The following DIAPH2 variants were observed in gnomAD, a reference collection of about 807,000 sequenced individuals.
DIAPH2 encodes protein diaphanous homolog 2.
Under a neutral mutation model 92.7 loss-of-function variants are expected in DIAPH2, and 35 were observed. That is an observed-to-expected ratio of 0.38 (90% CI 0.29 to 0.50). The LOEUF is 0.50. DIAPH2 is among the 20% of genes least tolerant of loss of function. DIAPH2 has a pLI of 0.94. For missense variants in DIAPH2, 701 were observed against 819.5 expected (o/e 0.86, Z 1.77); for synonymous variants, 301 against 280.4 (o/e 1.07, Z -0.73).
At chrX:97,436,564 C>G (rs1228445148) in intron 26 of DIAPH2, among the ~76,000 whole-genome samples, 1 of 111,550 alleles carries the variant, frequency 9.0e-6, no homozygotes, top group East Asian at 2.8e-4. Flanking sequence ...AAAAAGAAAC[C>G]TCCGTATGTA....
chrX:96,870,427 A>C (rs2065133096), intron 4 of DIAPH2, among the ~76,000 whole-genome samples: 1 of 87,380 alleles, frequency 1.1e-5, no homozygotes, highest in South Asian at 5.0e-4. Flanking sequence ...ATGCCCAGCT[A>C]ATTTTTTGTA....
Position 97,153,712 on chromosome X carries a change from T to C in DIAPH2, c.2719+11918T>C, listed in dbSNP as rs57899290. On this transcript the variant is annotated intron_variant, in intron 22 of 26. Coordinates refer to ENST00000324765, the MANE Select transcript of DIAPH2 (RefSeq NM_006729.5). ...CTACATATTCTTTTACTCTTTTCCATTTTGGACACTTTTAAAAATAAGACT... is the reference window on the plus strand; with the variant it reads ...CTACATATTCTTTTACTCTTTTCCACTTTGGACACTTTTAAAAATAAGACT... Among the ~76,000 whole-genome samples the C allele has an allele frequency of 8.4e-3, 938 of 112,082 alleles. 10 individuals are homozygous for C. The highest frequency in any genetic ancestry group is 0.03 in the African/African-American group (912 of 30,903).
intron 25 of DIAPH2, among the ~76,000 whole-genome samples, chrX:97,412,568 G>A (rs1040160180): frequency 8.9e-6 from 1 of 111,809 alleles, no homozygotes; most frequent in East Asian, 2.8e-4. Context: ...CAGAACTGAA[G>A]GAGATAGAGA....
At chrX:97,358,478 T>C (rs2069289975) in intron 24 of DIAPH2, among the ~76,000 whole-genome samples, 1 of 111,364 alleles carries the variant, frequency 9.0e-6, no homozygotes, top group Non-Finnish European at 1.9e-5. Context: ...TGTTTCAGGA[T>C]TACCTGCAAA....
rs994782110 is a variant in DIAPH2 at position 97,463,968 on chromosome X, T to C, written c.3241+34223T>C. Among the ~76,000 whole-genome samples the C allele has an allele frequency of 1.8e-5, 2 of 110,146 alleles. 1 individual carries two copies. The highest frequency in any genetic ancestry group is 7.9e-4 in the South Asian group (2 of 2,546). ...TTTCTAATTTTTTTTATTGACAAAC[T>C]AAAGGGAGGAATCAGGTCCACTGCC... On this transcript the variant is annotated intron_variant, in intron 26 of 26. Coordinates refer to ENST00000324765, the MANE Select transcript of DIAPH2 (RefSeq NM_006729.5).
chrX:97,517,707 A>T (rs1481402120), intron 26 of DIAPH2, among the ~76,000 whole-genome samples: 1 of 112,576 alleles, frequency 8.9e-6, no homozygotes, highest in East Asian at 2.8e-4. Flanking sequence ...TTTCTGAGAA[A>T]CCAATAGCTT....
At chrX:97,137,265 T>TTATATATA (rs748631722) in intron 21 of DIAPH2, among the ~76,000 whole-genome samples, 3 of 30,066 alleles carry the variant, frequency 1.0e-4, no homozygotes, top group Non-Finnish European at 1.6e-4. Flanking sequence ...ATAAACGCAG[T>TTATATATA]TATACATATA....
chrX:97,123,406 A>G (rs1048335185), intron 21 of DIAPH2, among the ~76,000 whole-genome samples: 5 of 112,574 alleles, frequency 4.4e-5, no homozygotes, highest in African/African-American at 1.6e-4. Flanking sequence ...AAAGGCAACC[A>G]TTAATACTAC....
rs2071594275 is a variant in DIAPH2 at position 97,601,328 on chromosome X, C to A, written c.*2011C>A. 1 of 111,517 alleles carries A rather than the reference C, an allele frequency of 9.0e-6. No homozygotes were observed. The highest frequency in any genetic ancestry group is 3.8e-4 in the South Asian group (1 of 2,614). The allele number at this position is 111,517 out of a possible 1,213,427, so 9.2% of individuals were successfully genotyped here. ...TAGAAATACTGATATGTATCATCACCTTTTCCAGATACAAACTTGCCTTAT... is the reference window on the plus strand; with the variant it reads ...TAGAAATACTGATATGTATCATCACATTTTCCAGATACAAACTTGCCTTAT... On this transcript the variant is annotated 3_prime_UTR_variant, in exon 27 of 27. Transcript: ENST00000324765.
intron 23 of DIAPH2, among the ~76,000 whole-genome samples, chrX:97,295,444 G>T (rs1319808105): frequency 9.0e-6 from 1 of 111,666 alleles, no homozygotes; most frequent in Non-Finnish European, 1.9e-5. Context: ...TTACGACAAT[G>T]AAATAAACAC....
intron 4 of DIAPH2, among the ~76,000 whole-genome samples, chrX:96,829,985 A>C (rs685712): frequency 9.3e-6 from 1 of 108,103 alleles, no homozygotes; most frequent in East Asian, 2.9e-4. Flanking sequence ...ACGGAAGTGC[A>C]CTGAAGGGGA....
chrX:96,999,002 A>G (rs181255509), intron 17 of DIAPH2, among the ~76,000 whole-genome samples: 2 of 112,050 alleles, frequency 1.8e-5, no homozygotes, highest in South Asian at 3.7e-4. Flanking sequence ...ATAGCAGCAG[A>G]TATTTTTGAA....
At chrX:97,129,136 CTTTTCTTTTCTTTCT>C (rs2067116830) in intron 21 of DIAPH2, among the ~76,000 whole-genome samples, 1 of 87,872 alleles carries the variant, frequency 1.1e-5, no homozygotes, top group Non-Finnish European at 2.1e-5. Context: ...CTTTTCTTTT[CTTTTCTTTTCTTTCT>C]TTTCTTTTCT....
Position 96,727,208 on chromosome X carries a change from C to T in DIAPH2, c.133-8550C>T, listed in dbSNP as rs769893682. 5.3e-5 allele frequency among the ~76,000 whole-genome samples: 6 copies of T among 112,192 alleles called. No homozygotes were observed. The South Asian group carries it at 2.2e-3, about 42-fold the overall frequency. On this transcript the variant is annotated intron_variant, in intron 1 of 26. Coordinates refer to ENST00000324765, the MANE Select transcript of DIAPH2 (RefSeq NM_006729.5). ...AAGATATGATACACCTAGCATATTC[C>T]TTTCTAAAACATGAAACATGCTGAG...
chrX:97,489,582 G>A (rs2070711536), intron 26 of DIAPH2, among the ~76,000 whole-genome samples: 1 of 110,562 alleles, frequency 9.0e-6, no homozygotes, highest in Non-Finnish European at 1.9e-5. Context: ...TTTCATATAT[G>A]GCCTTAATTG....
At chrX:96,987,988 T>C (rs904613423) in intron 17 of DIAPH2, among the ~76,000 whole-genome samples, 6 of 111,041 alleles carry the variant, frequency 5.4e-5, no homozygotes, top group Non-Finnish European at 1.1e-4. Flanking sequence ...ATGTATTTTT[T>C]ATTTTCAAGA....
At chrX:97,432,096 G>C (rs1419934719) in intron 26 of DIAPH2, among the ~76,000 whole-genome samples, 1 of 111,179 alleles carries the variant, frequency 9.0e-6, no homozygotes. Context: ...TATAAAGAAG[G>C]CTATCTTCCC....
chrX:96,866,772 A>G (rs1192619016), intron 4 of DIAPH2, among the ~76,000 whole-genome samples: 1 of 112,083 alleles, frequency 8.9e-6, no homozygotes, highest in Non-Finnish European at 1.9e-5. Flanking sequence ...TCTATATCCT[A>G]CTTTGGGTGT....
At chrX:96,794,774 C>A (rs973948880) in intron 4 of DIAPH2, among the ~76,000 whole-genome samples, 1 of 111,973 alleles carries the variant, frequency 8.9e-6, no homozygotes, top group African/African-American at 3.2e-5. Flanking sequence ...CTTAGAAATT[C>A]ATTGTCTCAT....
Sources: allele counts gnomAD v4.1 joint callset (sites outside exome capture counted in the v4.1 genomes callset), GRCh38; gene constraint gnomAD v4.1.1; transcripts MANE v1.5; gene names NCBI Gene and HGNC (gene_info 2026-07-23, HGNC 2026-07-21).